The following MAP3K4 variants were observed in gnomAD, a reference collection of about 807,000 sequenced individuals.
The protein encoded by MAP3K4 is MAP three kinase 1.
Under a neutral mutation model 185.6 loss-of-function variants are expected in MAP3K4, and 67 were observed. The observed-to-expected ratio is 0.36, with a 90% CI of 0.30 to 0.44. The LOEUF is 0.44. Among genes scored for constraint, MAP3K4 ranks in the 20% least tolerant of loss-of-function variants. The pLI is 1.00. For synonymous variants in MAP3K4, 702 were observed against 710.4 expected (o/e 0.99, Z 0.19); for missense variants, 1,551 against 1,995.1 (o/e 0.78, Z 4.24).
At position 161,110,472 on chromosome 6, in the gene MAP3K4, G is replaced by A. The variant is rs889990987; in HGVS notation, c.4396+558G>A. Among the ~76,000 whole-genome samples, 3 of 152,146 alleles carry A rather than the reference G, an allele frequency of 2.0e-5. No homozygotes were observed. The highest frequency in any genetic ancestry group is 4.4e-5 in the Non-Finnish European group (3 of 68,036). On this transcript the variant is annotated intron_variant, in intron 23 of 26. Transcript: ENST00000392142. This position sits in a 1 kb window ranked among gnomAD's most constrained non-coding sequence, Gnocchi z 4.8. ...AATAGCTGGGCTTCTGTCTCAGAAC[G>A]GTCACCGTGGCATTTGCCTTAACCA... is the stretch of plus-strand genomic sequence containing the variant.
chr6:161,107,703 A>C lies in MAP3K4; in HGVS notation c.4049-196A>C, dbSNP rs76344500. On this transcript the variant is annotated intron_variant, in intron 20 of 26. Transcript: ENST00000392142. The surrounding 1 kb of genome is among the most constrained non-coding windows in gnomAD (Gnocchi z 6.2). ...GATACTTGTAGGTAAGACATATTAA[A>C]GAGATTGCCTAAAACTTTAGTTATC... 0.038 allele frequency among the ~76,000 whole-genome samples: 5,803 copies of C among 152,354 alleles called. 147 individuals carry two copies. The highest frequency in any genetic ancestry group is 0.072 in the South Asian group (349 of 4,824).
In MAP3K4 at chr6:161,097,477, C is replaced by A. The variant is rs1253336595; in HGVS notation, c.3524+301C>A. ...TTCCTTTCCTGCCTTTGAAAAATAA[C>A]CTTCAGAAAACAAATTTGAATATGG... is the stretch of plus-strand genomic sequence containing the variant. On this transcript the variant is annotated intron_variant, in intron 16 of 26. Transcript: ENST00000392142. This position sits in a 1 kb window ranked among gnomAD's most constrained non-coding sequence, Gnocchi z 4.9. Among the ~76,000 whole-genome samples the A allele has an allele frequency of 6.6e-6, 1 of 152,106 alleles. No individual in the cohort carries two copies. The highest frequency in any genetic ancestry group is 1.5e-5 in the Non-Finnish European group (1 of 68,024).
In MAP3K4 at chr6:161,101,538, G is replaced by A. The variant is rs1467687886; in HGVS notation, c.3675-354G>A. 1.2e-5 allele frequency: 2 copies of A among 165,476 alleles called. No homozygotes were observed. The highest frequency in any genetic ancestry group is 2.6e-5 in the Non-Finnish European group (2 of 77,176). 10.3% of individuals were successfully genotyped at this position (165,476 alleles called of 1,614,324 possible). On this transcript the variant is annotated intron_variant, in intron 17 of 26. Coordinates refer to ENST00000392142, the MANE Select transcript of MAP3K4 (RefSeq NM_005922.4). The surrounding 1 kb of genome is among the most constrained non-coding windows in gnomAD (Gnocchi z 5.1). ...GTTTTTATTTCTGTTGTTAATATAA[G>A]ACAAGGTTTTATGCAGGCAGGTGCT...
chr6:161,047,219 T>G (rs1170730544), intron 2 of MAP3K4, among the ~76,000 whole-genome samples: 2 of 147,178 alleles, frequency 1.4e-5, no homozygotes, highest in Non-Finnish European at 3.0e-5. Flanking sequence ...GGTGGGAGGA[T>G]TGTTTGAGCC....
chr6:161,048,354 A>G lies in MAP3K4; in HGVS notation c.344-262A>G. 1.6e-6 allele frequency: 1 copy of G among 639,332 alleles called. No individual in the cohort carries two copies. The highest frequency in any genetic ancestry group is 3.0e-6 in the Non-Finnish European group (1 of 337,304). 39.6% of individuals were successfully genotyped at this position (639,332 alleles called of 1,614,324 possible). A position where few individuals can be genotyped will look rare whatever the true frequency, so the allele number is the denominator to read the frequency against. On this transcript the variant is annotated intron_variant, in intron 2 of 26. Transcript: ENST00000392142. The surrounding 1 kb of genome is among the most constrained non-coding windows in gnomAD (Gnocchi z 4.7). The stretch of plus-strand genomic sequence containing the variant: ...ACTATGCTTTGTAGCATAGAGAGAA[A>G]TAAACAGCTAGTTTAGGTAATTAGT...
At chr6:161,081,289 G>T (rs1272238382) in intron 6 of MAP3K4, among the ~76,000 whole-genome samples, 2 of 150,258 alleles carry the variant, frequency 1.3e-5, no homozygotes, top group Non-Finnish European at 3.0e-5. Flanking sequence ...TCCTGGCAGC[G>T]AGTGGGCGGG....
rs1443158453 is a variant in MAP3K4 at position 161,113,133 on chromosome 6, A to C, written c.4626+359A>C. Among the ~76,000 whole-genome samples the C allele has an allele frequency of 2.6e-5, 4 of 152,234 alleles. No individual in the cohort carries two copies. In the East Asian group the frequency reaches 7.7e-4, roughly 29 times the overall value. On this transcript the variant is annotated intron_variant, in intron 25 of 26. Coordinates refer to ENST00000392142, the MANE Select transcript of MAP3K4 (RefSeq NM_005922.4). Reference sequence around the variant, plus strand: ...TTATTCATAATTACCAAAACTTGGAAGCAACCAACATGTTCTTCAGTAGAT... The same window carrying C: ...TTATTCATAATTACCAAAACTTGGACGCAACCAACATGTTCTTCAGTAGAT...
In MAP3K4 at chr6:161,064,606, A is replaced by G. The variant is rs999193998; in HGVS notation, c.1708-6002A>G. 3.3e-5 allele frequency among the ~76,000 whole-genome samples: 5 copies of G among 152,150 alleles called. No individual in the cohort carries two copies. The highest frequency in any genetic ancestry group is 1.2e-4 in the African/African-American group (5 of 41,440). ...ACAGTGTTGCCCATTGTTTCTTTTCAGAAGTTTCTGTGCTGTTTTTATTTT... is the reference window on the plus strand; with the variant it reads ...ACAGTGTTGCCCATTGTTTCTTTTCGGAAGTTTCTGTGCTGTTTTTATTTT... On this transcript the variant is annotated intron_variant, in intron 3 of 26. Transcript: ENST00000392142. The surrounding 1 kb of genome is among the most constrained non-coding windows in gnomAD (Gnocchi z 4.3).
At chr6:161,058,256 G>A (rs1370847776) in intron 3 of MAP3K4, among the ~76,000 whole-genome samples, 1 of 152,200 alleles carries the variant, frequency 6.6e-6, no homozygotes, top group African/African-American at 2.4e-5. Context: ...TTTTAAATGG[G>A]AAAATCCAGA....
At chr6:161,006,351 GA>G (rs544569699) in intron 1 of MAP3K4, among the ~76,000 whole-genome samples, 3 of 151,898 alleles carry the variant, frequency 2.0e-5, no homozygotes, top group African/African-American at 4.8e-5. Flanking sequence ...AAAATATTCA[GA>G]AAAAAAATTG....
At position 161,049,208 on chromosome 6, in the gene MAP3K4, A is replaced by C. The variant is rs866741994; in HGVS notation, c.936A>C (p.Arg312Ser). 5 of 1,614,106 alleles carry C rather than the reference A, an allele frequency of 3.1e-6. 1 individual carries two copies. Among genetic ancestry groups the C allele is most frequent in the Non-Finnish European group, 3.4e-6 (4 of 1,179,992 alleles). The change falls in exon 3 of 27, where the codon AGA (arginine) becomes AGC (serine). Residue 312 changes from arginine (R) to serine (S), a missense_variant. Physicochemically the swap from Arg to Ser is moderately radical, Grantham distance 110 (BLOSUM62 -1). Transcript: ENST00000392142. The surrounding 1 kb of genome is among the most constrained non-coding windows in gnomAD (Gnocchi z 8.4). Reference protein sequence around the residue: ...KVDYGSFAFVRDRAGFNGTSV... With the variant: ...KVDYGSFAFVSDRAGFNGTSV... Reference sequence around the variant, plus strand: ...ACTATGGGAGCTTCGCCTTTGTTAGAGATAGAGCTGGTTTTAATGGTACTT... The same window carrying C: ...ACTATGGGAGCTTCGCCTTTGTTAGCGATAGAGCTGGTTTTAATGGTACTT...
rs142377714 is a variant in MAP3K4, at chr6:161,101,030, G to A, written c.3675-862G>A. 6.6e-6 allele frequency: 1 copy of A among 152,126 alleles called. No individual in the cohort carries two copies. The highest frequency in any genetic ancestry group is 2.4e-5 in the African/African-American group (1 of 41,490). 9.4% of individuals were successfully genotyped at this position (152,126 alleles called of 1,614,324 possible). The stretch of plus-strand genomic sequence containing the variant: ...TTCAACCTATCAATGTATAATAAGA[G>A]CATAAATGCTACCATACTTCATTAT... On this transcript the variant is annotated intron_variant, in intron 17 of 26. Coordinates refer to ENST00000392142, the MANE Select transcript of MAP3K4 (RefSeq NM_005922.4). This position sits in a 1 kb window ranked among gnomAD's most constrained non-coding sequence, Gnocchi z 5.1.
chr6:161,046,430 A>G (rs921913320), intron 2 of MAP3K4, among the ~76,000 whole-genome samples: 1 of 152,056 alleles, frequency 6.6e-6, no homozygotes, highest in African/African-American at 2.4e-5. Flanking sequence ...CTGTGAAGAA[A>G]TTTTCTTAAA....
intron 2 of MAP3K4, among the ~76,000 whole-genome samples, chr6:161,038,982 C>T (rs866309728): frequency 3.9e-5 from 6 of 152,152 alleles, no homozygotes; most frequent in Admixed American, 6.5e-5. Context: ...ACTTCTTACA[C>T]GGCAGCTGTC....
intron 5 of MAP3K4, among the ~76,000 whole-genome samples, chr6:161,078,650 C>T (rs1307655416): frequency 6.6e-6 from 1 of 152,200 alleles, no homozygotes; most frequent in Middle Eastern, 3.4e-3. Flanking sequence ...GGTGGAACCC[C>T]ATCAAAAGTG....
chr6:161,049,314 AGGGTCTCATT>A lies in MAP3K4; in HGVS notation c.1043_1052del (p.Arg348MetfsTer4). ...ACATCATGAGCATCTCCAACGCCAG[AGGGTCTCATT>A]TGAGCAGGTAAAACGGATAATGGAG... On this transcript the variant is annotated frameshift_variant, in exon 3 of 27. Transcript: ENST00000392142. LOFTEE classifies it high-confidence loss of function. This position sits in a 1 kb window ranked among gnomAD's most constrained non-coding sequence, Gnocchi z 8.4. The A allele has an allele frequency of 1.2e-6, 2 of 1,614,186 alleles. No homozygotes were observed. Among genetic ancestry groups the A allele is most frequent in the Non-Finnish European group, 1.7e-6 (2 of 1,180,028 alleles).
chr6:161,093,709 C>A lies in MAP3K4; in HGVS notation c.3349-64C>A. 1 of 929,034 alleles carries A rather than the reference C, an allele frequency of 1.1e-6. No individual in the cohort carries two copies. The highest frequency in any genetic ancestry group is 1.7e-6 in the Non-Finnish European group (1 of 579,246). 57.5% of individuals were successfully genotyped at this position (929,034 alleles called of 1,614,324 possible). A position where few individuals can be genotyped will look rare whatever the true frequency, so the allele number is the denominator to read the frequency against. On this transcript the variant is annotated intron_variant, in intron 14 of 26. Coordinates refer to ENST00000392142, the MANE Select transcript of MAP3K4 (RefSeq NM_005922.4). The surrounding 1 kb of genome is among the most constrained non-coding windows in gnomAD (Gnocchi z 5.2). Reference sequence around the variant, plus strand: ...ATATACTGAAAATTAATTTGTGCTACTTACATAATTAAGAAAGTATGCATG... The same window carrying A: ...ATATACTGAAAATTAATTTGTGCTAATTACATAATTAAGAAAGTATGCATG...
chr6:161,098,411 A>AGTGCCC lies in MAP3K4; in HGVS notation c.3659_3664dup (p.Ala1221_His1222insArgAla), dbSNP rs776708026. Reference sequence around the variant, plus strand: ...CTCTGTGCTGCCCAAATCCATCAGCAGTGCCCATGATACCAGGTAGTCTCA... The same window carrying AGTGCCC: ...CTCTGTGCTGCCCAAATCCATCAGCAGTGCCCGTGCCCATGATACCAGGTAGTCTCA... On this transcript the variant is annotated inframe_insertion, in exon 17 of 27. Coordinates refer to ENST00000392142, the MANE Select transcript of MAP3K4 (RefSeq NM_005922.4). The surrounding 1 kb of genome is among the most constrained non-coding windows in gnomAD (Gnocchi z 4.4). The AGTGCCC allele has an allele frequency of 6.2e-7, 1 of 1,613,788 alleles. No individual in the cohort carries two copies. Among genetic ancestry groups the AGTGCCC allele is most frequent in the East Asian group, 2.2e-5 (1 of 44,860 alleles).
chr6:161,067,986 T>C lies in MAP3K4; in HGVS notation c.1708-2622T>C, dbSNP rs549074879. Among the ~76,000 whole-genome samples, 3 of 152,374 alleles carry C rather than the reference T, an allele frequency of 2.0e-5. No individual in the cohort carries two copies. Among genetic ancestry groups the C allele is most frequent in the African/African-American group, 7.2e-5 (3 of 41,602 alleles). ...TGTTAACAAGGTTGATGACATCATA[T>C]GTTCCATTCTTTAGTGTTAGATTGT... On this transcript the variant is annotated intron_variant, in intron 3 of 26. Transcript: ENST00000392142. The surrounding 1 kb of genome is among the most constrained non-coding windows in gnomAD (Gnocchi z 6.3).
Sources: allele counts gnomAD v4.1 joint callset (sites outside exome capture counted in the v4.1 genomes callset), GRCh38; gene constraint gnomAD v4.1.1; non-coding constraint Gnocchi (gnomAD v3.1); transcripts MANE v1.5; gene names NCBI Gene and HGNC (gene_info 2026-07-23, HGNC 2026-07-21).